NOS1: variants seen among roughly 807,000 people sequenced by gnomAD.
NOS1 encodes nitric oxide synthase 1.
In NOS1, 51 loss-of-function variants were observed where a neutral mutation model predicts 164.5. That is an observed-to-expected ratio of 0.31 (90% CI 0.25 to 0.39). The LOEUF is 0.39. Ranked by LOEUF, NOS1 falls within the 10% of genes least tolerant of loss-of-function variation. NOS1 has a pLI of 1.00. For synonymous variants in NOS1, 719 were observed against 745.8 expected (o/e 0.96, Z 0.59); for missense variants, 1,362 against 1,885.6 (o/e 0.72, Z 5.14).
intron 28 of NOS1, among the ~76,000 whole-genome samples, chr12:117,215,734 G>A (rs1245464221): frequency 2.0e-5 from 3 of 151,974 alleles, no homozygotes; most frequent in East Asian, 1.9e-4. Context: ...CACCCGGCCC[G>A]TCTCTTTCAT....
At chr12:117,251,105 A>G (rs1389077624) in intron 17 of NOS1, among the ~76,000 whole-genome samples, 1 of 152,102 alleles carries the variant, frequency 6.6e-6, no homozygotes, top group Non-Finnish European at 1.5e-5. Flanking sequence ...GTGCCTCTTA[A>G]GGGGCTGAAG....
chr12:117,276,219 A>G (rs970211373), intron 9 of NOS1, among the ~76,000 whole-genome samples: 1 of 152,178 alleles, frequency 6.6e-6, no homozygotes, highest in Non-Finnish European at 1.5e-5. Flanking sequence ...AAAACATACA[A>G]TTATGTTATT....
At chr12:117,241,005 C>T (rs1335631527) in intron 20 of NOS1, among the ~76,000 whole-genome samples, 1 of 149,298 alleles carries the variant, frequency 6.7e-6, no homozygotes, top group African/African-American at 2.5e-5. Context: ...AGTGGTGCAA[C>T]CTTGGCTCAC....
rs1386284683 is a variant in NOS1 at position 117,208,445 on chromosome 12, C to G, written c.*6864G>C. The stretch of plus-strand genomic sequence containing the variant: ...GTGGTGAGATGCGACCAGGTCTGCC[C>G]ACCTCCCCAGCTTCCCAAGCCCGGA... On this transcript the variant is annotated 3_prime_UTR_variant, in exon 29 of 29. Coordinates refer to ENST00000317775, the MANE Select transcript of NOS1 (RefSeq NM_000620.5). The G allele has an allele frequency of 1.4e-5, 17 of 1,199,322 alleles. No homozygotes were observed. Among genetic ancestry groups the G allele is most frequent in the Middle Eastern group, 7.0e-4 (2 of 2,874 alleles). 74.3% of individuals were successfully genotyped at this position (1,199,322 alleles called of 1,614,324 possible).
At chr12:117,309,398 C>A (rs888099588) in intron 3 of NOS1, 1 of 985,204 alleles carries the variant, frequency 1.0e-6, no homozygotes, top group African/African-American at 1.7e-5. Flanking sequence ...TCTAGAATGT[C>A]TCATCCTCCC....
At chr12:117,310,122 G>A (rs1012170925) in intron 3 of NOS1, among the ~76,000 whole-genome samples, 4 of 152,164 alleles carry the variant, frequency 2.6e-5, no homozygotes, top group African/African-American at 9.7e-5. Flanking sequence ...TGCCCAGGCT[G>A]GTCTCAAATT....
Position 117,330,200 on chromosome 12 carries a change from G to A in NOS1, c.725+145C>T, listed in dbSNP as rs776605940. 3.1e-5 allele frequency: 41 copies of A among 1,310,730 alleles called. No homozygotes were observed. Among genetic ancestry groups the A allele is most frequent in the South Asian group, 9.5e-5 (5 of 52,394 alleles). 81.2% of individuals were successfully genotyped at this position (1,310,730 alleles called of 1,614,324 possible). On this transcript the variant is annotated intron_variant, in intron 2 of 28. Coordinates refer to ENST00000317775, the MANE Select transcript of NOS1 (RefSeq NM_000620.5). This position sits in a 1 kb window ranked among gnomAD's most constrained non-coding sequence, Gnocchi z 4.6. ...ATTTTAAGTGAAGATCAAGGGGGCC[G>A]TCAAGTGGTTATGCAAAAACAGGTA... is the stretch of plus-strand genomic sequence containing the variant.
chr12:117,345,031 CTTTTTTT>C (rs57878360), intron 1 of NOS1, among the ~76,000 whole-genome samples: 9 of 124,552 alleles, frequency 7.2e-5, no homozygotes, highest in East Asian at 2.4e-4. Context: ...TGCTTTCTTG[CTTTTTTT>C]TTTTTTTTTT....
intron 3 of NOS1, among the ~76,000 whole-genome samples, chr12:117,311,248 C>CA (rs35994161): frequency 0.59 from 89,949 of 151,490 alleles, 28,029 homozygotes; most frequent in African/African-American, 0.79. Flanking sequence ...TGAAAAACGG[C>CA]ATCTCACAAA....
rs1270668236 is a variant in NOS1 at position 117,270,642 on chromosome 12, A to G, written c.1839+1743T>C. On this transcript the variant is annotated intron_variant, in intron 10 of 28. Transcript: ENST00000317775. The stretch of plus-strand genomic sequence containing the variant: ...AAGAATAGAAATTAATTGCAGGGAA[A>G]AAAGAAACCCTTAAAAAAAATCCCC... Among the ~76,000 whole-genome samples the G allele has an allele frequency of 2.0e-5, 3 of 152,096 alleles. No individual in the cohort carries two copies. The East Asian group carries it at 5.8e-4, about 29-fold the overall frequency.
intron 16 of NOS1, among the ~76,000 whole-genome samples, chr12:117,257,607 C>CTTTTTTTTTTTTTTTTT (rs151304592): frequency 4.0e-5 from 4 of 99,122 alleles, no homozygotes; most frequent in Non-Finnish European, 7.5e-5. Flanking sequence ...TTGATTTTAG[C>CTTTTTTTTTTTTTTTTT]TTTTTTTTTT....
intron 2 of NOS1, among the ~76,000 whole-genome samples, chr12:117,322,749 A>ACCTC (rs1875042100): frequency 6.5e-5 from 2 of 30,658 alleles, no homozygotes; most frequent in Non-Finnish European, 1.3e-4. Flanking sequence ...TTCCCTCCCC[A>ACCTC]CTTCCTTCCC....
Position 117,208,911 on chromosome 12 carries a change from C to A in NOS1, c.*6398G>T. On this transcript the variant is annotated 3_prime_UTR_variant, in exon 29 of 29. Transcript: ENST00000317775. ...CTGATTTTTGTATTTTTAGTAGAGA[C>A]GAGGTTTTGCCATGTTAGCCAGGTT... 4 of 647,422 alleles carry A rather than the reference C, an allele frequency of 6.2e-6. No homozygotes were observed. Among genetic ancestry groups the A allele is most frequent in the Non-Finnish European group, 7.7e-6 (4 of 520,924 alleles). The allele number at this position is 647,422 out of a possible 1,614,324, so 40.1% of individuals were successfully genotyped here.
At chr12:117,223,851 A>G (rs1868409204) in intron 25 of NOS1, among the ~76,000 whole-genome samples, 2 of 152,082 alleles carry the variant, frequency 1.3e-5, no homozygotes, top group African/African-American at 4.8e-5. Context: ...ACAGGGTTTC[A>G]CCATGTTGGA....
chr12:117,221,331 T>A (rs1956702127), intron 26 of NOS1, among the ~76,000 whole-genome samples: 1 of 151,390 alleles, frequency 6.6e-6, no homozygotes, highest in Admixed American at 6.6e-5. Flanking sequence ...TTTTTTTTAG[T>A]AGAGATGGGG....
Position 117,330,648 on chromosome 12 carries a change from G to T in NOS1, c.422C>A (p.Ala141Asp), listed in dbSNP as rs753362512. ...KAVDLSHQPP[A>D]GKEQPLAVDG... ...CACTGCCAGGGGCTGTTCTTTGCCG[G>T]CCGGTGGCTGGTGGGACAGATCCAC... Residue 141 changes from alanine to aspartate, a missense_variant, in exon 2 of 29, where the codon GCC (alanine) becomes GAC (aspartate). Physicochemically the swap from Ala to Asp is moderately radical, Grantham distance 126. Transcript: ENST00000317775. This position sits in a 1 kb window ranked among gnomAD's most constrained non-coding sequence, Gnocchi z 4.6. 1 of 1,611,774 alleles carries T rather than the reference G, an allele frequency of 6.2e-7. No homozygotes were observed. Among genetic ancestry groups the T allele is most frequent in the South Asian group, 1.1e-5 (1 of 91,036 alleles).
intron 3 of NOS1, among the ~76,000 whole-genome samples, chr12:117,300,512 T>G (rs1415113458): frequency 6.6e-6 from 1 of 152,076 alleles, no homozygotes; most frequent in Non-Finnish European, 1.5e-5. Context: ...CAGTGACCTA[T>G]AAAGACCTGG....
intron 1 of NOS1, among the ~76,000 whole-genome samples, chr12:117,344,540 T>C (rs1360963739): frequency 6.6e-6 from 1 of 152,200 alleles, no homozygotes; most frequent in Non-Finnish European, 1.5e-5. Context: ...CATTAAGTCA[T>C]AGGTTATGCA....
intron 23 of NOS1, 68 bp from the exon 24 acceptor site, chr12:117,226,838 A>G (rs1474296101): frequency 8.3e-7 from 1 of 1,209,428 alleles, no homozygotes; most frequent in East Asian, 2.4e-5. Context: ...TCCTCCCTCC[A>G]GTGCAAAATA....
Sources: allele counts gnomAD v4.1 joint callset (sites outside exome capture counted in the v4.1 genomes callset), GRCh38; gene constraint gnomAD v4.1.1; non-coding constraint Gnocchi (gnomAD v3.1); transcripts MANE v1.5; gene names NCBI Gene and HGNC (gene_info 2026-07-23, HGNC 2026-07-21).